GSTO2: variants seen among roughly 807,000 people sequenced by gnomAD.
The protein encoded by GSTO2 is glutathione S-transferase omega-2.
In GSTO2, 23 loss-of-function variants were observed where a neutral mutation model predicts 28.4. The ratio of observed to expected loss-of-function variants is 0.81; its 90% confidence interval spans 0.58 to 1.15. The LOEUF is 1.15. Ranked by LOEUF, GSTO2 falls within the 50% of genes most tolerant of loss-of-function variation. The pLI, the probability that GSTO2 is intolerant of heterozygous loss-of-function variation, is 0.00. For synonymous variants in GSTO2, 109 were observed against 111.0 expected (o/e 0.98, Z 0.11); for missense variants, 298 against 297.8 (o/e 1.00, Z 0.00).
chr10:104,272,599 T>TG, intron 1 of GSTO2, among the ~76,000 whole-genome samples: 1 of 30,128 alleles, frequency 3.3e-5, no homozygotes, highest in Non-Finnish European at 6.1e-5. Flanking sequence ...TTTTTTTTTT[T>TG]TTTTTTTTTT....
At chr10:104,281,345 C>T (rs2012025396) in intron 5 of GSTO2, among the ~76,000 whole-genome samples, 1 of 152,130 alleles carries the variant, frequency 6.6e-6, no homozygotes, top group Admixed American at 6.5e-5. Context: ...TGAATGGACC[C>T]CATCATGCCT....
In GSTO2 at chr10:104,287,927, G is replaced by A. The variant is rs564864827; in HGVS notation, c.468+8456G>A. 1.4e-4 allele frequency among the ~76,000 whole-genome samples: 19 copies of A among 134,752 alleles called. No individual in the cohort carries two copies. The South Asian group carries it at 3.9e-3, about 28-fold the overall frequency. 88.4% of individuals were successfully genotyped at this position (134,752 alleles called of 152,430 possible). A position where few individuals can be genotyped will look rare whatever the true frequency, so the allele number is the denominator to read the frequency against. On this transcript the variant is annotated intron_variant, in intron 5 of 6. Coordinates refer to ENST00000338595, the MANE Select transcript of GSTO2 (RefSeq NM_183239.2). ...TTTTGGGACGGAGTCTCGCTCTGTCGCCCAGGCTGGAGTGTAGTGGTGCTA... is the reference window on the plus strand; with the variant it reads ...TTTTGGGACGGAGTCTCGCTCTGTCACCCAGGCTGGAGTGTAGTGGTGCTA...
At chr10:104,289,610 G>A (rs931964494) in intron 5 of GSTO2, among the ~76,000 whole-genome samples, 1 of 152,136 alleles carries the variant, frequency 6.6e-6, no homozygotes, top group Admixed American at 6.5e-5. Flanking sequence ...TCTTAAATAT[G>A]CCCTAGGTTT....
At chr10:104,293,563 A>ATTTTTTTTTTTTTTTTTTTCTTTTTT (rs2012878963) in intron 5 of GSTO2, among the ~76,000 whole-genome samples, 1 of 81,652 alleles carries the variant, frequency 1.2e-5, no homozygotes, top group Non-Finnish European at 2.3e-5. Context: ...CGCCTGGCCA[A>ATTTTTTTTTTTTTTTTTTTCTTTTTT]TTTTTTTTTT....
intron 5 of GSTO2, among the ~76,000 whole-genome samples, chr10:104,283,202 C>T (rs1013948660): frequency 2.0e-5 from 3 of 152,188 alleles, no homozygotes. Flanking sequence ...TAACCAGCCT[C>T]TATATAGGTA....
chr10:104,277,793 A>T, intron 3 of GSTO2, 101 bp from the exon 4 acceptor site: 1 of 752,372 alleles, frequency 1.3e-6, no homozygotes, highest in East Asian at 2.6e-5. Context: ...ACTAATTGCA[A>T]ATTTTAACTT....
chr10:104,279,274 A>G, intron 4 of GSTO2, 96 bp from the exon 5 acceptor site: 2 of 976,212 alleles, frequency 2.0e-6, no homozygotes, highest in South Asian at 2.9e-5. Context: ...TTGCCCTGTT[A>G]GGCTGGAGTT....
intron 5 of GSTO2, among the ~76,000 whole-genome samples, chr10:104,287,010 T>C (rs987247): frequency 0.24 from 36,363 of 152,166 alleles, 4,677 homozygotes; most frequent in Middle Eastern, 0.34. Context: ...ATATTTTATG[T>C]AGTTGAAACT....
At chr10:104,279,529 C>A (rs1297370691) in intron 5 of GSTO2, 58 bp downstream of exon 5, 1 of 1,171,664 alleles carries the variant, frequency 8.5e-7, no homozygotes, top group Non-Finnish European at 1.3e-6. Flanking sequence ...GGCAGGGTCG[C>A]TAACCTGGTC....
intron 3 of GSTO2, among the ~76,000 whole-genome samples, chr10:104,277,224 A>G (rs1229486546): frequency 2.0e-5 from 3 of 150,936 alleles, no homozygotes; most frequent in Non-Finnish European, 4.4e-5. Flanking sequence ...AATGTACTAA[A>G]CTCTCTAATG....
At chr10:104,298,075 C>T (rs1359391662) in intron 6 of GSTO2, among the ~76,000 whole-genome samples, 5 of 152,106 alleles carry the variant, frequency 3.3e-5, no homozygotes, top group African/African-American at 7.2e-5. Context: ...TCTCATTGCC[C>T]GGAGGAATCT....
chr10:104,297,814 G>A, intron 6 of GSTO2, 130 bp downstream of exon 6: 1 of 613,318 alleles, frequency 1.6e-6, no homozygotes. Flanking sequence ...CTAAACCGCA[G>A]TGTGTGCTTC....
At chr10:104,276,711 A>G (rs1032724745) in intron 3 of GSTO2, among the ~76,000 whole-genome samples, 4 of 152,112 alleles carry the variant, frequency 2.6e-5, no homozygotes, top group African/African-American at 4.8e-5. Context: ...GGCTCAAGCA[A>G]TCCTCCCACC....
chr10:104,302,305 CA>C lies in GSTO2; in HGVS notation c.*3022del, dbSNP rs1441935606. On this transcript the variant is annotated 3_prime_UTR_variant, in exon 7 of 7. Coordinates refer to ENST00000338595, the MANE Select transcript of GSTO2 (RefSeq NM_183239.2). The stretch of plus-strand genomic sequence containing the variant: ...TAGGTGGAGCACAGCCAAACCATAT[CA>C]GAGCCATTCTCTATCTTTTGCAGAT... 1 of 152,202 alleles carries C rather than the reference CA, an allele frequency of 6.6e-6. No individual in the cohort carries two copies. The highest frequency in any genetic ancestry group is 6.5e-5 in the Admixed American group (1 of 15,284). 9.4% of individuals were successfully genotyped at this position (152,202 alleles called of 1,614,324 possible).
intron 5 of GSTO2, among the ~76,000 whole-genome samples, chr10:104,288,719 A>C (rs1369869200): frequency 6.6e-6 from 1 of 152,224 alleles, no homozygotes; most frequent in African/African-American, 2.4e-5. Flanking sequence ...GGCTTTGCCT[A>C]TCTGGCCATC....
intron 5 of GSTO2, among the ~76,000 whole-genome samples, chr10:104,282,434 G>A (rs1451105324): frequency 5.3e-5 from 8 of 151,332 alleles, no homozygotes; most frequent in African/African-American, 1.9e-4. Context: ...TATGCCTGTA[G>A]TCCTAGGTAC....
At chr10:104,297,994 C>T (rs2135150269) in intron 6 of GSTO2, among the ~76,000 whole-genome samples, 1 of 152,342 alleles carries the variant, frequency 6.6e-6, no homozygotes, top group Non-Finnish European at 1.5e-5. Flanking sequence ...GTCACAGTCA[C>T]AGTCACAGTG....
At chr10:104,291,289 T>G (rs756405540) in intron 5 of GSTO2, 4 of 152,186 alleles carry the variant, frequency 2.6e-5, no homozygotes, top group African/African-American at 4.8e-5. Flanking sequence ...GCCACCACAC[T>G]GTTTCGAGAT....
At chr10:104,279,220 A>G (rs1450873415) in intron 4 of GSTO2, 150 bp from the exon 5 acceptor site, 4 of 601,280 alleles carry the variant, frequency 6.7e-6, no homozygotes, top group Non-Finnish European at 1.2e-5. Flanking sequence ...CCACAGAGAA[A>G]ACCTAGTGCC....
Sources: gnomAD v4.1 joint callset for allele counts (sites outside exome capture counted in the v4.1 genomes callset) on GRCh38, gnomAD v4.1.1 for gene constraint, MANE v1.5 for transcripts, NCBI Gene and HGNC (gene_info 2026-07-23, HGNC 2026-07-21) for gene names.